DOT1L: variants seen among roughly 807,000 people sequenced by gnomAD.
The protein encoded by DOT1L is DOT1 like histone lysine methyltransferase, also known as histone-lysine N-methyltransferase, H3 lysine-79 specific.
DOT1L carries 33 observed loss-of-function variants against 153.3 expected under a neutral mutation model. That is an observed-to-expected ratio of 0.22 (90% CI 0.16 to 0.29). The LOEUF (loss-of-function observed/expected upper bound fraction) is 0.29. DOT1L is among the 10% of genes least tolerant of loss of function. The pLI, the probability that DOT1L is intolerant of heterozygous loss-of-function variation, is 1.00. For missense variants in DOT1L, 1,847 were observed against 2,119.9 expected (o/e 0.87, Z 2.53); for synonymous variants, 1,135 against 965.1 (o/e 1.18, Z -3.26).
chr19:2,166,189 C>A (rs1201037163), intron 1 of DOT1L, among the ~76,000 whole-genome samples: 1 of 152,052 alleles, frequency 6.6e-6, no homozygotes, highest in Non-Finnish European at 1.5e-5. Context: ...CTCAGCCTCC[C>A]GGGTTCAAGC....
chr19:2,227,400 C>A (rs1183674722), intron 27 of DOT1L: 8 of 684,646 alleles, frequency 1.2e-5, no homozygotes, highest in Non-Finnish European at 2.2e-5. Context: ...GCATTACTTT[C>A]TCCCGTGGAG....
Position 2,222,433 on chromosome 19 carries a change from G to A in DOT1L, c.3264G>A (p.Arg1088=). The A allele has an allele frequency of 6.2e-7, 1 of 1,609,418 alleles. No individual in the cohort carries two copies. The highest frequency in any genetic ancestry group is 1.1e-5 in the South Asian group (1 of 90,908). The part of the protein sequence containing the change: ...SHGQDSRRRG[R]RKRASAGTPS... ...GGCAGGACAGTCGCAGGCGCGGCCGGCGGAAGCGAGCATCTGCGGGGACGC... is the reference window on the plus strand; with the variant it reads ...GGCAGGACAGTCGCAGGCGCGGCCGACGGAAGCGAGCATCTGCGGGGACGC... Residue 1088 remains arginine, a synonymous_variant, in exon 24 of 28, where the codon CGG becomes CGA. Transcript: ENST00000398665. This position sits in a 1 kb window ranked among gnomAD's most constrained non-coding sequence, Gnocchi z 6.5.
intron 15 of DOT1L, among the ~76,000 whole-genome samples, chr19:2,211,531 C>T (rs1191265389): frequency 6.6e-6 from 1 of 152,186 alleles, no homozygotes; most frequent in East Asian, 1.9e-4. Context: ...CCCAGGATGG[C>T]CCCACGCGGT....
chr19:2,228,846 A>G (rs1249830317), intron 27 of DOT1L: 1 of 985,312 alleles, frequency 1.0e-6, no homozygotes, highest in African/African-American at 1.7e-5. Context: ...CTGGAGAGCC[A>G]GGGTGGCTGG....
At chr19:2,214,429 G>T (rs1379218281) in intron 18 of DOT1L, 42 bp from the exon 19 acceptor site, 2 of 1,603,058 alleles carry the variant, frequency 1.2e-6, no homozygotes, top group East Asian at 4.5e-5. Context: ...GTGCTGGGCA[G>T]GCAGCCAGCC....
chr19:2,189,387 G>A (rs546088322), intron 3 of DOT1L, among the ~76,000 whole-genome samples: 1 of 152,200 alleles, frequency 6.6e-6, no homozygotes, highest in East Asian at 1.9e-4. Flanking sequence ...TTTCCCACTT[G>A]GGGGGCTGGC....
At chr19:2,170,160 G>A (rs972967134) in intron 1 of DOT1L, among the ~76,000 whole-genome samples, 2 of 152,094 alleles carry the variant, frequency 1.3e-5, no homozygotes, top group African/African-American at 4.8e-5. Flanking sequence ...TTAGATAAAG[G>A]AAAAAAGAAT....
chr19:2,183,075 T>C (rs2022316511), intron 2 of DOT1L, among the ~76,000 whole-genome samples: 1 of 152,116 alleles, frequency 6.6e-6, no homozygotes, highest in African/African-American at 2.4e-5. Flanking sequence ...GCACAGACCT[T>C]TTCTGTCTCA....
In DOT1L at chr19:2,229,891, C is replaced by G. The variant is rs1322106265; in HGVS notation, c.*99C>G. The G allele has an allele frequency of 2.5e-6, 4 of 1,606,294 alleles. 1 individual carries two copies. Among genetic ancestry groups the G allele is most frequent in the Non-Finnish European group, 3.4e-6 (4 of 1,176,958 alleles). ...GGCCTGCCGGGCTCCCACCCCTGGA[C>G]GGCAGAGGCAAGGACGGACGGGAGC... On this transcript the variant is annotated 3_prime_UTR_variant, in exon 28 of 28. Coordinates refer to ENST00000398665, the MANE Select transcript of DOT1L (RefSeq NM_032482.3).
At position 2,208,420 on chromosome 19, in the gene DOT1L, C is replaced by T. The variant is rs1443225630; in HGVS notation, c.964-515C>T. Reference sequence around the variant, plus strand: ...GGGAGCGCTGGTGCCGTCTGGGGACCGACAGCCCCAGGCAGATGCACCCCG... The same window carrying T: ...GGGAGCGCTGGTGCCGTCTGGGGACTGACAGCCCCAGGCAGATGCACCCCG... On this transcript the variant is annotated intron_variant, in intron 11 of 27. Transcript: ENST00000398665. The surrounding 1 kb of genome is among the most constrained non-coding windows in gnomAD (Gnocchi z 4.4). Among the ~76,000 whole-genome samples the T allele has an allele frequency of 2.0e-5, 3 of 152,082 alleles. No homozygotes were observed. Among genetic ancestry groups the T allele is most frequent in the South Asian group, 2.1e-4 (1 of 4,828 alleles).
In DOT1L at chr19:2,191,352, G is replaced by A; in HGVS notation, c.493+112G>A. The A allele has an allele frequency of 9.0e-7, 1 of 1,117,154 alleles. No individual in the cohort carries two copies. The highest frequency in any genetic ancestry group is 2.0e-4 in the Middle Eastern group (1 of 4,982). 69.2% of individuals were successfully genotyped at this position (1,117,154 alleles called of 1,614,324 possible). A position where few individuals can be genotyped will look rare whatever the true frequency, so the allele number is the denominator to read the frequency against. On this transcript the variant is annotated intron_variant, in intron 5 of 27. Coordinates refer to ENST00000398665, the MANE Select transcript of DOT1L (RefSeq NM_032482.3). The surrounding 1 kb of genome is among the most constrained non-coding windows in gnomAD (Gnocchi z 6.8). ...ATCAGGGACTTGCGACGTTGGCGTG[G>A]ACAGTGCTTCCTTCTCCCAGCGCCT...
At chr19:2,179,763 C>T (rs1396952893) in intron 1 of DOT1L, among the ~76,000 whole-genome samples, 1 of 152,096 alleles carries the variant, frequency 6.6e-6, no homozygotes, top group East Asian at 1.9e-4. Flanking sequence ...GCCGAGATTG[C>T]ACCACTTCAC....
chr19:2,187,272 A>T (rs2240127), intron 3 of DOT1L, among the ~76,000 whole-genome samples: 3 of 152,054 alleles, frequency 2.0e-5, no homozygotes, highest in African/African-American at 7.2e-5. Flanking sequence ...AACCTGGGGC[A>T]GTTATGGCAC....
intron 2 of DOT1L, among the ~76,000 whole-genome samples, chr19:2,182,156 G>A (rs1055246699): frequency 1.2e-4 from 19 of 152,080 alleles, no homozygotes; most frequent in African/African-American, 2.4e-5. Context: ...GAACCCAGGG[G>A]GCGGAGGTTG....
chr19:2,202,589 G>A, intron 8 of DOT1L, 111 bp from the exon 9 acceptor site: 4 of 1,060,780 alleles, frequency 3.8e-6, no homozygotes, highest in Non-Finnish European at 5.7e-6. Context: ...TGGAGGTGGC[G>A]GGCGGGTGTG....
intron 22 of DOT1L, among the ~76,000 whole-genome samples, chr19:2,218,831 G>A (rs1014156804): frequency 2.6e-5 from 4 of 152,018 alleles, no homozygotes; most frequent in African/African-American, 2.4e-5. Context: ...CGAGTAGCTG[G>A]GATTACAGGT....
At position 2,229,987 on chromosome 19, in the gene DOT1L, G is replaced by T; in HGVS notation, c.*195G>T. ...CCAGTTTGTACTGTCGATAGTTTTA[G>T]ATAAAGTATTTATCATTTTTTAAAA... On this transcript the variant is annotated 3_prime_UTR_variant, in exon 28 of 28. Transcript: ENST00000398665. The T allele has an allele frequency of 1.3e-6, 1 of 797,978 alleles. No individual in the cohort carries two copies. The highest frequency in any genetic ancestry group is 1.9e-6 in the Non-Finnish European group (1 of 513,430). The allele number at this position is 797,978 out of a possible 1,614,324, so 49.4% of individuals were successfully genotyped here.
intron 3 of DOT1L, among the ~76,000 whole-genome samples, chr19:2,186,535 C>T (rs2022515086): frequency 2.0e-5 from 3 of 152,216 alleles, no homozygotes; most frequent in African/African-American, 7.2e-5. Context: ...CCATCAAGGG[C>T]TGTGCTGTCG....
chr19:2,180,272 C>T (rs897224086), intron 1 of DOT1L, among the ~76,000 whole-genome samples: 4 of 152,170 alleles, frequency 2.6e-5, no homozygotes, highest in Admixed American at 1.3e-4. Flanking sequence ...GGCTGGAGCT[C>T]CCTGGCTGGA....
Sources: gnomAD v4.1 joint callset for allele counts (sites outside exome capture counted in the v4.1 genomes callset) on GRCh38, gnomAD v4.1.1 for gene constraint, Gnocchi (gnomAD v3.1) non-coding constraint, MANE v1.5 for transcripts, NCBI Gene and HGNC (gene_info 2026-07-23, HGNC 2026-07-21) for gene names.